PLCB1: variants seen among roughly 807,000 people sequenced by gnomAD.
PLCB1 encodes phospholipase C beta 1, also known as 1-phosphatidylinositol 4,5-bisphosphate phosphodiesterase beta-1.
A neutral mutation model predicts 161.8 loss-of-function variants in PLCB1; 46 were observed. The observed-to-expected ratio is 0.28, with a 90% CI of 0.22 to 0.36. PLCB1 has a LOEUF of 0.36. Ranked by LOEUF, PLCB1 falls within the 10% of genes least tolerant of loss-of-function variation. The probability of loss-of-function intolerance (pLI) is 1.00; values close to 1 mark genes in which losing one functional copy is unlikely to be tolerated. For missense variants in PLCB1, 1,016 were observed against 1,472.5 expected (o/e 0.69, Z 5.07); for synonymous variants, 517 against 503.7 (o/e 1.03, Z -0.35).
At chr20:8,301,580 A>G (rs181084245) in intron 2 of PLCB1, among the ~76,000 whole-genome samples, 1 of 152,042 alleles carries the variant, frequency 6.6e-6, no homozygotes, top group East Asian at 1.9e-4. Context: ...TCCTCCACAC[A>G]CTAGACACAT....
intron 31 of PLCB1, among the ~76,000 whole-genome samples, chr20:8,845,734 A>G (rs754886311): frequency 3.3e-5 from 5 of 152,228 alleles, no homozygotes; most frequent in Non-Finnish European, 7.3e-5. Flanking sequence ...TCTGTTACTA[A>G]CAAAATAAGC....
intron 3 of PLCB1, among the ~76,000 whole-genome samples, chr20:8,533,222 C>T (rs6516375): frequency 0.23 from 34,993 of 151,702 alleles, 4,813 homozygotes; most frequent in African/African-American, 0.38. Flanking sequence ...CATAGCATTC[C>T]ATGGTGTATA....
intron 3 of PLCB1, among the ~76,000 whole-genome samples, chr20:8,484,309 G>A (rs1337197821): frequency 7.3e-5 from 11 of 151,444 alleles, no homozygotes; most frequent in Non-Finnish European, 1.5e-4. Context: ...ATAGGCATGA[G>A]CCACTACACC....
intron 23 of PLCB1, among the ~76,000 whole-genome samples, chr20:8,749,397 A>G (rs1981338274): frequency 1.3e-5 from 2 of 152,234 alleles, no homozygotes; most frequent in African/African-American, 2.4e-5. Context: ...GAAGGGCTCC[A>G]GGAGACACTT....
intron 3 of PLCB1, among the ~76,000 whole-genome samples, chr20:8,529,780 T>C (rs959313360): frequency 4.6e-5 from 7 of 152,116 alleles, no homozygotes; most frequent in East Asian, 1.9e-4. Context: ...TCTGTGCTGA[T>C]TACTTTTTTT....
chr20:8,811,973 A>G lies in PLCB1; in HGVS notation c.3423+21712A>G, dbSNP rs1221472220. On this transcript the variant is annotated intron_variant, in intron 31 of 31. Coordinates refer to ENST00000338037, the MANE Select transcript of PLCB1 (RefSeq NM_015192.4). The stretch of plus-strand genomic sequence containing the variant: ...GTCGAGTCATAGCTCCAGGAGAGGA[A>G]AGAATGGGACTCACTAGAAGAGAAG... 5.9e-5 allele frequency among the ~76,000 whole-genome samples: 9 copies of G among 152,372 alleles called. No homozygotes were observed. The Middle Eastern group carries it at 0.01, about 173-fold the overall frequency.
chr20:8,151,723 A>G (rs1190748879), intron 2 of PLCB1, among the ~76,000 whole-genome samples: 1 of 152,136 alleles, frequency 6.6e-6, no homozygotes, highest in Non-Finnish European at 1.5e-5. Flanking sequence ...TGTTGAAACT[A>G]TATTCATGAA....
chr20:8,347,993 A>G (rs573427771), intron 2 of PLCB1, among the ~76,000 whole-genome samples: 1 of 152,246 alleles, frequency 6.6e-6, no homozygotes, highest in East Asian at 1.9e-4. Flanking sequence ...AAAAAAGAAA[A>G]AGAGCCTGGC....
intron 3 of PLCB1, among the ~76,000 whole-genome samples, chr20:8,500,200 AG>A (rs1486543706): frequency 1.3e-5 from 2 of 152,212 alleles, no homozygotes; most frequent in Non-Finnish European, 2.9e-5. Flanking sequence ...ATGAGGTAAA[AG>A]AAAGCAAAAG....
chr20:8,695,595 A>G (rs898603311), intron 10 of PLCB1, among the ~76,000 whole-genome samples: 1 of 152,152 alleles, frequency 6.6e-6, no homozygotes, highest in Non-Finnish European at 1.5e-5. Flanking sequence ...CCAGTTACTT[A>G]GGAGGCTTAG....
intron 3 of PLCB1, among the ~76,000 whole-genome samples, chr20:8,453,655 G>GGTAA (rs1981171277): frequency 6.6e-6 from 1 of 152,110 alleles, no homozygotes; most frequent in Non-Finnish European, 1.5e-5. Context: ...AATAGCAAAG[G>GGTAA]GTAAGGGGAG....
chr20:8,326,966 G>A (rs1411544878), intron 2 of PLCB1, among the ~76,000 whole-genome samples: 2 of 152,158 alleles, frequency 1.3e-5, no homozygotes, highest in Admixed American at 1.3e-4. Context: ...ATTCACTGTA[G>A]CCCCAACTTC....
intron 3 of PLCB1, among the ~76,000 whole-genome samples, chr20:8,447,015 T>C (rs1442221562): frequency 6.6e-6 from 1 of 152,206 alleles, no homozygotes; most frequent in African/African-American, 2.4e-5. Flanking sequence ...AATTCTGAAA[T>C]TGCATGCAAA....
chr20:8,826,388 G>A (rs549355418), intron 31 of PLCB1, among the ~76,000 whole-genome samples: 226 of 151,792 alleles, frequency 1.5e-3, no homozygotes, highest in African/African-American at 5.0e-3. Flanking sequence ...CCAGCTACTC[G>A]AGAGGCTGAG....
chr20:8,534,541 C>T (rs1216237192), intron 3 of PLCB1, among the ~76,000 whole-genome samples: 1 of 151,960 alleles, frequency 6.6e-6, no homozygotes, highest in Non-Finnish European at 1.5e-5. Context: ...CTGTTGGAGT[C>T]CCTGCTGAGA....
chr20:8,544,289 T>A (rs1985450908), intron 3 of PLCB1, among the ~76,000 whole-genome samples: 1 of 152,170 alleles, frequency 6.6e-6, no homozygotes, highest in Admixed American at 6.5e-5. Flanking sequence ...TGTGCAAGAT[T>A]TTGCACTGCA....
At chr20:8,480,811 T>C (rs1237742691) in intron 3 of PLCB1, among the ~76,000 whole-genome samples, 2 of 152,168 alleles carry the variant, frequency 1.3e-5, no homozygotes, top group African/African-American at 2.4e-5. Context: ...AAGTTTACTA[T>C]TGAATATAGA....
intron 22 of PLCB1, 115 bp downstream of exon 22, chr20:8,740,563 C>T: frequency 1.9e-6 from 1 of 519,518 alleles, no homozygotes; most frequent in South Asian, 3.3e-5. Context: ...GAGATTCTGG[C>T]TTCAGAATCA....
chr20:8,629,817 TTTTC>T lies in PLCB1; in HGVS notation c.384+1444_384+1447del, dbSNP rs752268619. On this transcript the variant is annotated intron_variant, in intron 4 of 31. Coordinates refer to ENST00000338037, the MANE Select transcript of PLCB1 (RefSeq NM_015192.4). ...TTCTTTCTTTTCTTTCTTTTCTTTC[TTTTC>T]TTTCTTTCTTTCTTTCTTTCTTTCT... Among the ~76,000 whole-genome samples the T allele has an allele frequency of 8.4e-3, 815 of 96,720 alleles. 14 individuals are homozygous for T. Among genetic ancestry groups the T allele is most frequent in the African/African-American group, 0.014 (359 of 26,120 alleles). 63.5% of individuals were successfully genotyped at this position (96,720 alleles called of 152,430 possible). A position where few individuals can be genotyped will look rare whatever the true frequency, so the allele number is the denominator to read the frequency against.
Sources: allele counts gnomAD v4.1 joint callset (sites outside exome capture counted in the v4.1 genomes callset), GRCh38; gene constraint gnomAD v4.1.1; transcripts MANE v1.5; gene names NCBI Gene and HGNC (gene_info 2026-07-23, HGNC 2026-07-21).